Variants in DYNC2H1 observed in about 807,000 individuals in gnomAD.
DYNC2H1 encodes dynein cytoplasmic 2 heavy chain 1, also known as cytoplasmic dynein 2 heavy chain 1.
In DYNC2H1, 410 loss-of-function variants were observed where a neutral mutation model predicts 570.0. The ratio of observed to expected loss-of-function variants is 0.72; its 90% CI spans 0.66 to 0.78. DYNC2H1 has a LOEUF of 0.78. Among genes scored for constraint, DYNC2H1 ranks in the 30% least tolerant of loss-of-function variants. DYNC2H1 has a pLI of 0.00. For synonymous variants in DYNC2H1, 1,688 were observed against 1,677.6 expected, an observed-to-expected ratio of 1.01 and a Z score of -0.15; for missense variants, 4,865 against 5,046.4, an observed-to-expected ratio of 0.96 and a Z score of 1.09.
intron 87 of DYNC2H1, 63 bp downstream of exon 87, chr11:103,456,419 G>T: frequency 7.3e-7 from 1 of 1,367,348 alleles, no homozygotes; most frequent in Non-Finnish European, 1.0e-6. Flanking sequence ...AAGAGATTCT[G>T]AAATTTTGAT....
chr11:103,312,257 A>G (rs1046959420), intron 79 of DYNC2H1, among the ~76,000 whole-genome samples: 3 of 151,000 alleles, frequency 2.0e-5, no homozygotes, highest in African/African-American at 7.3e-5. Context: ...GCGCATGCCT[A>G]TAAGCCCAGC....
At position 103,243,336 on chromosome 11, in the gene DYNC2H1, A is replaced by C. The variant is rs1050254871; in HGVS notation, c.9820-357A>C. On this transcript the variant is annotated intron_variant, in intron 63 of 88. Transcript: ENST00000375735. The surrounding 1 kb of genome is among the most constrained non-coding windows in gnomAD (Gnocchi z 4.8). ...AGAGAATAATTTGACTGTGTATTAT[A>C]AAAGCCAAAAAGAATGCTGCAAATG... Among the ~76,000 whole-genome samples, 2 of 152,146 alleles carry C rather than the reference A, an allele frequency of 1.3e-5. No individual in the cohort carries two copies. Among genetic ancestry groups the C allele is most frequent in the Non-Finnish European group, 2.9e-5 (2 of 68,030 alleles).
intron 82 of DYNC2H1, among the ~76,000 whole-genome samples, chr11:103,342,982 C>G (rs1939545299): frequency 6.6e-6 from 1 of 152,074 alleles, no homozygotes; most frequent in South Asian, 2.1e-4. Context: ...AATTTGGGGG[C>G]TAAACACTGG....
Position 103,243,693 on chromosome 11 carries a change from A to G in DYNC2H1, c.9820A>G (p.Ser3274Gly), listed in dbSNP as rs371932985. The change falls in exon 64 of 89, where the codon AGT becomes GGT. Residue 3274 changes from serine (S) to glycine (G), a missense_variant and splice_region_variant. Coordinates refer to ENST00000375735, the MANE Select transcript of DYNC2H1 (RefSeq NM_001377.3). This position sits in a 1 kb window ranked among gnomAD's most constrained non-coding sequence, Gnocchi z 4.8. ...SIENALVILQ[S>G]RVCPFLIDPS... is the part of the protein sequence containing the mutation. ...TTACTTTTCCTTTTTTTTATACTAG[A>G]GTCGAGTGTGCCCATTTCTTATAGA... 3 of 1,594,712 alleles carry G rather than the reference A, an allele frequency of 1.9e-6. No homozygotes were observed. Among genetic ancestry groups the G allele is most frequent in the African/African-American group, 2.7e-5 (2 of 74,412 alleles).
intron 13 of DYNC2H1, among the ~76,000 whole-genome samples, chr11:103,131,439 C>A (rs1170176477): frequency 2.6e-5 from 4 of 152,140 alleles, no homozygotes; most frequent in African/African-American, 4.8e-5. Flanking sequence ...AGGTGCCCAC[C>A]ACCATGCCCA....
chr11:103,174,895 T>G (rs1224177561), intron 36 of DYNC2H1, among the ~76,000 whole-genome samples: 2 of 109,748 alleles, frequency 1.8e-5, no homozygotes, highest in Non-Finnish European at 3.3e-5. Context: ...ACTCTCAGAG[T>G]GGCAAGGAAA....
In DYNC2H1 at chr11:103,181,774, T is replaced by G; in HGVS notation, c.6365T>G (p.Leu2122Arg). ...MIFLSDEETDLNSLIKSWLRN... is the reference protein window; with the variant it reads ...MIFLSDEETDRNSLIKSWLRN... ...TGTTTCAGTGATGAAGAGACAGATC[T>G]TAATTCTCTGATAAAATCTTGGTTG... Residue 2122 changes from leucine (L) to arginine (R), a missense_variant, in exon 40 of 89, where the codon CTT (leucine) becomes CGT (arginine). Transcript: ENST00000375735. This position sits in a 1 kb window ranked among gnomAD's most constrained non-coding sequence, Gnocchi z 5.0. The G allele has an allele frequency of 6.4e-7, 1 of 1,565,224 alleles. No individual in the cohort carries two copies.
intron 83 of DYNC2H1, among the ~76,000 whole-genome samples, chr11:103,392,678 CA>C (rs373959557): frequency 1.9e-4 from 29 of 152,066 alleles, no homozygotes; most frequent in African/African-American, 6.8e-4. Context: ...TAAACCACAC[CA>C]AAAGGCATTT....
At chr11:103,342,025 C>T (rs1190674420) in intron 82 of DYNC2H1, among the ~76,000 whole-genome samples, 1 of 152,146 alleles carries the variant, frequency 6.6e-6, no homozygotes, top group Non-Finnish European at 1.5e-5. Context: ...CCTATAGTCT[C>T]AGATGCTTGG....
chr11:103,453,858 A>T (rs1156240849), intron 85 of DYNC2H1, among the ~76,000 whole-genome samples: 2 of 151,866 alleles, frequency 1.3e-5, no homozygotes, highest in Non-Finnish European at 2.9e-5. Context: ...TTAGCAGATA[A>T]TTTAATAAAA....
chr11:103,270,792 A>G (rs773924505), intron 70 of DYNC2H1, among the ~76,000 whole-genome samples: 3 of 152,134 alleles, frequency 2.0e-5, no homozygotes, highest in Non-Finnish European at 4.4e-5. Flanking sequence ...AATGGCTTGC[A>G]ATTTAATATC....
At chr11:103,141,720 G>A (rs1159298552) in intron 17 of DYNC2H1, among the ~76,000 whole-genome samples, 2 of 152,218 alleles carry the variant, frequency 1.3e-5, no homozygotes, top group Non-Finnish European at 2.9e-5. Context: ...TGCATGCTGG[G>A]AGAACTATTG....
chr11:103,295,554 A>G (rs1866784724), intron 75 of DYNC2H1, among the ~76,000 whole-genome samples: 1 of 152,122 alleles, frequency 6.6e-6, no homozygotes, highest in African/African-American at 2.4e-5. Flanking sequence ...AATAACTTCA[A>G]GTATTCTGTT....
chr11:103,318,042 A>AT (rs1450160306), intron 80 of DYNC2H1, among the ~76,000 whole-genome samples: 2 of 152,072 alleles, frequency 1.3e-5, no homozygotes, highest in Non-Finnish European at 2.9e-5. Context: ...AGCATCAGAA[A>AT]TTTTTTCTAT....
chr11:103,454,908 T>A, intron 85 of DYNC2H1: 1 of 318,756 alleles, frequency 3.1e-6, no homozygotes, highest in Admixed American at 4.5e-5. Flanking sequence ...AATGGGGTGC[T>A]GTACATTAGG....
chr11:103,224,426 C>T (rs1175928832), intron 59 of DYNC2H1, among the ~76,000 whole-genome samples: 1 of 151,812 alleles, frequency 6.6e-6, no homozygotes, highest in African/African-American at 2.4e-5. Context: ...CCCGAGTCTC[C>T]AAAGTCCAAT....
intron 1 of DYNC2H1, among the ~76,000 whole-genome samples, chr11:103,111,164 A>G (rs9667015): frequency 0.024 from 3,709 of 152,306 alleles, 174 homozygotes; most frequent in African/African-American, 0.084. Context: ...CATTCACCCT[A>G]TTCACTATCT....
At chr11:103,447,511 G>A (rs113427547) in intron 85 of DYNC2H1, among the ~76,000 whole-genome samples, 289 of 152,192 alleles carry the variant, frequency 1.9e-3, no homozygotes, top group African/African-American at 6.5e-3. Context: ...AAGTGGTTAC[G>A]ATTTTAAAAG....
At chr11:103,217,994 G>A (rs1300657047) in intron 55 of DYNC2H1, among the ~76,000 whole-genome samples, 2 of 152,130 alleles carry the variant, frequency 1.3e-5, no homozygotes, top group African/African-American at 4.8e-5. Context: ...AAGTAAGTGT[G>A]AGCTAAAGTC....
Sources: gnomAD v4.1 joint callset for allele counts (sites outside exome capture counted in the v4.1 genomes callset) on GRCh38, gnomAD v4.1.1 for gene constraint, Gnocchi (gnomAD v3.1) non-coding constraint, MANE v1.5 for transcripts, NCBI Gene and HGNC (gene_info 2026-07-23, HGNC 2026-07-21) for gene names.